SUMF1: variants seen among roughly 807,000 people sequenced by gnomAD.
SUMF1 encodes the protein formylglycine-generating enzyme.
Under a neutral mutation model 47.6 loss-of-function variants are expected in SUMF1, and 48 were observed. The ratio of observed to expected loss-of-function variants is 1.01; its 90% CI spans 0.80 to 1.28. The LOEUF (loss-of-function observed/expected upper bound fraction) is 1.28. Among genes scored for constraint, SUMF1 ranks in the 50% most tolerant of loss-of-function variants. The pLI, the probability that SUMF1 is intolerant of heterozygous loss-of-function variation, is 0.00. For missense variants in SUMF1, 571 were observed against 485.4 expected (o/e 1.18, Z -1.66); for synonymous variants, 230 against 192.1 (o/e 1.20, Z -1.63).
intron 2 of SUMF1, among the ~76,000 whole-genome samples, chr3:4,450,117 A>C (rs1176862097): frequency 1.3e-5 from 2 of 152,174 alleles, no homozygotes; most frequent in African/African-American, 4.8e-5. Context: ...GCTGGTTAAA[A>C]CTACATATTG....
chr3:4,395,807 C>T lies in SUMF1; in HGVS notation c.954+15058G>A, dbSNP rs185616644. On this transcript the variant is annotated intron_variant, in intron 7 of 8. Transcript: ENST00000272902. Reference sequence around the variant, plus strand: ...TTCAGACCCCAAAGTCTATGGTAACCGTTCTTGCTCCTGGAGTAATACATG... The same window carrying T: ...TTCAGACCCCAAAGTCTATGGTAACTGTTCTTGCTCCTGGAGTAATACATG... 3.9e-5 allele frequency among the ~76,000 whole-genome samples: 6 copies of T among 152,262 alleles called. No homozygotes were observed. In the East Asian group the frequency reaches 9.6e-4, roughly 24 times the overall value.
intron 8 of SUMF1, among the ~76,000 whole-genome samples, chr3:4,216,539 A>C (rs1425059590): frequency 2.0e-5 from 3 of 152,190 alleles, no homozygotes; most frequent in Non-Finnish European, 2.9e-5. Context: ...AAATAAACAA[A>C]TGGGATCTAA....
chr3:4,428,255 AC>A (rs1409812338), intron 3 of SUMF1, among the ~76,000 whole-genome samples: 1 of 152,182 alleles, frequency 6.6e-6, no homozygotes, highest in African/African-American at 2.4e-5. Context: ...CCACCCACAT[AC>A]CCACATATCC....
At chr3:4,330,550 G>T (rs1699029620) in intron 8 of SUMF1, among the ~76,000 whole-genome samples, 2 of 152,108 alleles carry the variant, frequency 1.3e-5, no homozygotes, top group African/African-American at 2.4e-5. Flanking sequence ...CAGTATGGGG[G>T]AAACTGCCAC....
intron 8 of SUMF1, among the ~76,000 whole-genome samples, chr3:4,281,631 G>C (rs997658128): frequency 1.3e-5 from 2 of 151,972 alleles, no homozygotes; most frequent in African/African-American, 4.8e-5. Flanking sequence ...AAAATAATTA[G>C]AAGAAGTAAC....
chr3:4,427,516 A>T (rs1397188460), intron 3 of SUMF1, among the ~76,000 whole-genome samples: 1 of 152,224 alleles, frequency 6.6e-6, no homozygotes, highest in Non-Finnish European at 1.5e-5. Context: ...GCTAAAAACA[A>T]ATTCATCATG....
chr3:4,269,137 T>C (rs982885208), intron 8 of SUMF1, among the ~76,000 whole-genome samples: 1 of 152,150 alleles, frequency 6.6e-6, no homozygotes, highest in African/African-American at 2.4e-5. Flanking sequence ...CTGCCATAGA[T>C]GTGTTTTGGC....
chr3:4,226,210 G>T (rs1280678306), intron 8 of SUMF1, among the ~76,000 whole-genome samples: 1 of 150,836 alleles, frequency 6.6e-6, no homozygotes, highest in South Asian at 2.1e-4. Flanking sequence ...CTTAATAAGG[G>T]CCTTATAACT....
chr3:4,295,776 GAC>G (rs1014554178), intron 8 of SUMF1, among the ~76,000 whole-genome samples: 2 of 152,072 alleles, frequency 1.3e-5, no homozygotes, highest in African/African-American at 4.8e-5. Flanking sequence ...AACATTTTGA[GAC>G]AGTCTACAAT....
At chr3:4,282,701 A>C (rs1339756215) in intron 8 of SUMF1, among the ~76,000 whole-genome samples, 1 of 152,218 alleles carries the variant, frequency 6.6e-6, no homozygotes, top group East Asian at 1.9e-4. Flanking sequence ...TTTTAAAAGA[A>C]AATCTTATTT....
chr3:4,150,693 A>C lies in SUMF1; in HGVS notation c.1015-81948T>G, dbSNP rs193178830. Among the ~76,000 whole-genome samples the C allele has an allele frequency of 2.2e-4, 33 of 151,710 alleles. No individual in the cohort carries two copies. The East Asian group carries it at 5.6e-3, about 26-fold the overall frequency. ...AGCCACTATGCCAGGCTTCAACTTTATTTTTAATAAGAAAAAGAAGCAACA... is the reference window on the plus strand; with the variant it reads ...AGCCACTATGCCAGGCTTCAACTTTCTTTTTAATAAGAAAAAGAAGCAACA... On this transcript the variant is annotated intron_variant and NMD_transcript_variant, in intron 8 of 12. Transcript: ENST00000448413.
intron 1 of SUMF1, among the ~76,000 whole-genome samples, chr3:4,465,484 AAAAAAAGAAAAG>A (rs1199997155): frequency 2.0e-5 from 3 of 152,230 alleles, no homozygotes; most frequent in South Asian, 2.1e-4. Context: ...TCTAAAAAAA[AAAAAAAGAAAAG>A]AAAAAAGAAA....
intron 7 of SUMF1, among the ~76,000 whole-genome samples, chr3:4,381,738 A>G (rs1700510857): frequency 6.6e-6 from 1 of 152,224 alleles, no homozygotes; most frequent in Admixed American, 6.5e-5. Flanking sequence ...AAAGAGTAAT[A>G]GAATATCACT....
At chr3:4,272,373 G>A (rs890307397) in intron 8 of SUMF1, among the ~76,000 whole-genome samples, 4 of 152,162 alleles carry the variant, frequency 2.6e-5, no homozygotes, top group South Asian at 2.1e-4. Context: ...CTGGACCTTC[G>A]GAATTGTTCT....
At chr3:4,232,602 AG>A (rs1696325742) in intron 8 of SUMF1, among the ~76,000 whole-genome samples, 1 of 151,906 alleles carries the variant, frequency 6.6e-6, no homozygotes, top group South Asian at 2.1e-4. Flanking sequence ...TGCCGCCAAA[AG>A]AAAACAAAAA....
chr3:4,362,893 G>A (rs530543062), intron 8 of SUMF1, among the ~76,000 whole-genome samples: 1 of 152,060 alleles, frequency 6.6e-6, no homozygotes, highest in South Asian at 2.1e-4. Context: ...AAGCCTGGGT[G>A]ACAGAGCAAG....
intron 8 of SUMF1, among the ~76,000 whole-genome samples, chr3:4,224,990 G>T (rs977281929): frequency 2.6e-5 from 4 of 151,948 alleles, no homozygotes; most frequent in African/African-American, 9.7e-5. Flanking sequence ...GGTTTGTCTT[G>T]GACAATCAAG....
chr3:4,443,144 G>T (rs1021365931), intron 3 of SUMF1, among the ~76,000 whole-genome samples: 6 of 152,068 alleles, frequency 3.9e-5, no homozygotes, highest in Admixed American at 2.0e-4. Context: ...CGGGCGTGGT[G>T]GCGGGCCCCT....
At chr3:4,179,228 G>A (rs1327500681) in intron 8 of SUMF1, among the ~76,000 whole-genome samples, 1 of 152,030 alleles carries the variant, frequency 6.6e-6, no homozygotes, top group Non-Finnish European at 1.5e-5. Flanking sequence ...AAATTGCCAA[G>A]ACAAGCCTAA....
Sources: gnomAD v4.1 joint callset for allele counts (sites outside exome capture counted in the v4.1 genomes callset) on GRCh38, gnomAD v4.1.1 for gene constraint, MANE v1.5 for transcripts, NCBI Gene and HGNC (gene_info 2026-07-23, HGNC 2026-07-21) for gene names.